Variants in FRMPD2 observed in about 807,000 individuals in gnomAD.
FRMPD2 encodes the protein FERM and PDZ domain containing 2, also known as FERM and PDZ domain-containing protein 2.
FRMPD2 carries 96 observed loss-of-function variants against 140.1 expected under a neutral mutation model. The observed-to-expected ratio is 0.69, with a 90% CI of 0.58 to 0.81. The LOEUF (loss-of-function observed/expected upper bound fraction) is 0.81. FRMPD2 is among the 40% of genes least tolerant of loss of function. FRMPD2 has a pLI of 0.00. For missense variants in FRMPD2, 1,240 were observed against 1,447.4 expected, an observed-to-expected ratio of 0.86 and a Z score of 2.32; for synonymous variants, 449 against 547.6, an observed-to-expected ratio of 0.82 and a Z score of 2.52.
intron 15 of FRMPD2, among the ~76,000 whole-genome samples, chr10:48,198,457 A>G (rs1225721577): frequency 6.6e-6 from 1 of 152,222 alleles, no homozygotes. Flanking sequence ...GAAGTGCCCA[A>G]TAGTGTGAAC....
At chr10:48,271,210 T>C (rs1261347265) in intron 1 of FRMPD2, among the ~76,000 whole-genome samples, 1 of 152,126 alleles carries the variant, frequency 6.6e-6, no homozygotes, top group Non-Finnish European at 1.5e-5. Context: ...TTGCCTCCTG[T>C]CCTTCTGCAG....
In FRMPD2 at chr10:48,251,163, G is replaced by A. The variant is rs372663755; in HGVS notation, c.151+403C>T. On this transcript the variant is annotated intron_variant, in intron 2 of 28. Coordinates refer to ENST00000374201, the MANE Select transcript of FRMPD2 (RefSeq NM_001018071.4). ...CATCTGGTGGACAGAGTGTAGGGGT[G>A]TCCTGGGTGACCACACCCTGCCTCT... Among the ~76,000 whole-genome samples, 12 of 152,224 alleles carry A rather than the reference G, an allele frequency of 7.9e-5. No homozygotes were observed. In the East Asian group the frequency reaches 1.9e-3, roughly 24 times the overall value.
At chr10:48,209,450 GT>G (rs1839270384) in intron 13 of FRMPD2, among the ~76,000 whole-genome samples, 3 of 152,318 alleles carry the variant, frequency 2.0e-5, no homozygotes, top group African/African-American at 7.2e-5. Flanking sequence ...CTAGTACAAG[GT>G]GCTGAACTTT....
chr10:48,195,848 G>A (rs1455215828), intron 15 of FRMPD2, among the ~76,000 whole-genome samples: 1 of 152,224 alleles, frequency 6.6e-6, no homozygotes, highest in Admixed American at 6.5e-5. Flanking sequence ...GTTCTGTGCT[G>A]GAGCTGCTCT....
chr10:48,272,239 T>G (rs1409113591), intron 1 of FRMPD2, among the ~76,000 whole-genome samples: 1 of 152,182 alleles, frequency 6.6e-6, no homozygotes, highest in Admixed American at 6.5e-5. Flanking sequence ...CATGAGTCAT[T>G]TTCTCACCAC....
Position 48,251,676 on chromosome 10 carries a change from G to C in FRMPD2, c.41C>G (p.Ser14Cys). ...LTKDAGMSLS[S>C]VTLASALQVR... is the part of the protein sequence containing the mutation. ...CTGTAGGGCGCTGGCCAGCGTCACA[G>C]AGGACAGGCTCATGCCTACAATAAA... Residue 14 changes from serine to cysteine, a missense_variant, in exon 2 of 29, where the codon TCT becomes TGT. Physicochemically the swap from Ser to Cys is moderately radical, Grantham distance 112. Coordinates refer to ENST00000374201, the MANE Select transcript of FRMPD2 (RefSeq NM_001018071.4). The C allele has an allele frequency of 1.2e-6, 2 of 1,614,208 alleles. No individual in the cohort carries two copies. The highest frequency in any genetic ancestry group is 1.7e-6 in the Non-Finnish European group (2 of 1,180,032).
At chr10:48,222,267 G>C in intron 12 of FRMPD2, 46 bp downstream of exon 12, 1 of 1,594,460 alleles carries the variant, frequency 6.3e-7, no homozygotes, top group Non-Finnish European at 8.5e-7. Context: ...TCCTGTAACT[G>C]TTTTTCCAGT....
At chr10:48,227,240 T>C (rs926919716) in intron 10 of FRMPD2, among the ~76,000 whole-genome samples, 9 of 152,250 alleles carry the variant, frequency 5.9e-5, no homozygotes, top group African/African-American at 1.9e-4. Flanking sequence ...TTTTTGTTTT[T>C]TAATCTCTGT....
At chr10:48,191,475 G>T (rs1044578357) in intron 16 of FRMPD2, among the ~76,000 whole-genome samples, 4 of 152,176 alleles carry the variant, frequency 2.6e-5, no homozygotes, top group Non-Finnish European at 4.4e-5. Context: ...GGGGTCGTTT[G>T]TTACACAGCA....
At chr10:48,181,778 A>G (rs1197352553) in intron 20 of FRMPD2, among the ~76,000 whole-genome samples, 1 of 151,042 alleles carries the variant, frequency 6.6e-6, no homozygotes, top group African/African-American at 2.4e-5. Flanking sequence ...AGGCTTAGAG[A>G]TTATACGTAC....
intron 4 of FRMPD2, among the ~76,000 whole-genome samples, chr10:48,243,190 A>G (rs1274589429): frequency 6.6e-6 from 1 of 152,172 alleles, no homozygotes; most frequent in African/African-American, 2.4e-5. Flanking sequence ...CCTTCAGGAA[A>G]ATAATGGTGT....
At chr10:48,267,690 T>C (rs747239023) in intron 1 of FRMPD2, among the ~76,000 whole-genome samples, 1 of 152,176 alleles carries the variant, frequency 6.6e-6, no homozygotes, top group Non-Finnish European at 1.5e-5. Context: ...ACAAATAATA[T>C]ATGTGAATGT....
At chr10:48,233,700 C>A (rs1488318220) in intron 9 of FRMPD2, among the ~76,000 whole-genome samples, 1 of 152,126 alleles carries the variant, frequency 6.6e-6, no homozygotes, top group Non-Finnish European at 1.5e-5. Context: ...TTCAGCAGTC[C>A]TGCCTCCCCT....
In FRMPD2 at chr10:48,220,725, C is replaced by T. The variant is rs1474607365; in HGVS notation, c.1455+1588G>A. Among the ~76,000 whole-genome samples, 11 of 152,264 alleles carry T rather than the reference C, an allele frequency of 7.2e-5. No individual in the cohort carries two copies. The East Asian group carries it at 2.1e-3, about 29-fold the overall frequency. The stretch of plus-strand genomic sequence containing the variant: ...ACTAATATCCAGAACCTACAAAGAA[C>T]TCAAACAAATCAGCAAGAAAAAAGC... On this transcript the variant is annotated intron_variant, in intron 12 of 28. Coordinates refer to ENST00000374201, the MANE Select transcript of FRMPD2 (RefSeq NM_001018071.4).
chr10:48,238,209 T>G lies in FRMPD2; in HGVS notation c.789-86A>C, dbSNP rs1840016805. On this transcript the variant is annotated intron_variant, in intron 7 of 28. Coordinates refer to ENST00000374201, the MANE Select transcript of FRMPD2 (RefSeq NM_001018071.4). ...AAGACCACCCGCACAGGGGCTCAGT[T>G]GGGCAGGGTGCACCCACTGATGCAT... 3.6e-6 allele frequency: 5 copies of G among 1,401,630 alleles called. No homozygotes were observed. The South Asian group carries it at 6.2e-5, about 17-fold the overall frequency. 86.8% of individuals were successfully genotyped at this position (1,401,630 alleles called of 1,614,324 possible).
At chr10:48,195,315 A>T (rs1838925783) in intron 15 of FRMPD2, among the ~76,000 whole-genome samples, 1 of 152,268 alleles carries the variant, frequency 6.6e-6, no homozygotes, top group Non-Finnish European at 1.5e-5. Flanking sequence ...GTAAAAGCTC[A>T]GTGATCTATC....
intron 10 of FRMPD2, among the ~76,000 whole-genome samples, chr10:48,227,259 T>C (rs1383672552): frequency 6.6e-6 from 1 of 152,212 alleles, no homozygotes; most frequent in Non-Finnish European, 1.5e-5. Flanking sequence ...GTCTTCTGTG[T>C]GATTTACCAC....
chr10:48,188,561 C>A (rs1838747815), intron 16 of FRMPD2, among the ~76,000 whole-genome samples: 1 of 152,128 alleles, frequency 6.6e-6, no homozygotes, highest in Non-Finnish European at 1.5e-5. Flanking sequence ...TCTGAGAGTC[C>A]CCAGCCTGCT....
intron 12 of FRMPD2, among the ~76,000 whole-genome samples, chr10:48,221,895 T>C (rs1033663562): frequency 6.6e-6 from 1 of 151,000 alleles, no homozygotes; most frequent in Admixed American, 6.6e-5. Flanking sequence ...GGTAGATGGG[T>C]GGGTGAGTGG....
Sources: allele counts gnomAD v4.1 joint callset (sites outside exome capture counted in the v4.1 genomes callset), GRCh38; gene constraint gnomAD v4.1.1; transcripts MANE v1.5; gene names NCBI Gene and HGNC (gene_info 2026-07-23, HGNC 2026-07-21).